The following PPP4R1 variants were observed in gnomAD, a reference collection of about 807,000 sequenced individuals.
PPP4R1 encodes the protein serine/threonine-protein phosphatase 4 regulatory subunit 1.
Under a neutral mutation model 111.2 loss-of-function variants are expected in PPP4R1, and 42 were observed. That is an observed-to-expected ratio of 0.38 (90% confidence interval 0.29 to 0.49). The LOEUF is 0.49. PPP4R1 is among the 20% of genes least tolerant of loss of function. The pLI is 0.97. For synonymous variants in PPP4R1, 409 were observed against 405.5 expected (o/e 1.01, Z -0.10); for missense variants, 1,012 against 1,161.6 (o/e 0.87, Z 1.87).
chr18:9,616,833 G>A (rs916388280), upstream of PPP4R1, among the ~76,000 whole-genome samples: 2 of 152,194 alleles, frequency 1.3e-5, no homozygotes, highest in African/African-American at 4.8e-5. Flanking sequence ...GGGAAGGGCA[G>A]CAAAGGAGGA....
intron 2 of PPP4R1, chr18:9,613,810 G>A (rs2067628771): frequency 6.5e-6 from 1 of 153,764 alleles, no homozygotes; most frequent in Admixed American, 6.5e-5. Flanking sequence ...GCGACTCTAA[G>A]GAAACACACC....
chr18:9,565,935 G>T (rs1164284284), intron 11 of PPP4R1, among the ~76,000 whole-genome samples: 1 of 151,672 alleles, frequency 6.6e-6, no homozygotes, highest in Non-Finnish European at 1.5e-5. Context: ...TTTTGAGATG[G>T]AGTCTTGCTC....
At chr18:9,574,657 C>T (rs1598918130) in intron 10 of PPP4R1, among the ~76,000 whole-genome samples, 1 of 152,176 alleles carries the variant, frequency 6.6e-6, no homozygotes, top group East Asian at 1.9e-4. Context: ...AGCTGGACGC[C>T]ACACTGCATG....
In PPP4R1 at chr18:9,614,460, G is replaced by A. The variant is rs1194800228; in HGVS notation, c.7+18C>T. 1.9e-6 allele frequency: 2 copies of A among 1,031,202 alleles called. No homozygotes were observed. The highest frequency in any genetic ancestry group is 1.2e-4 in the Admixed American group (2 of 17,204). 63.9% of individuals were successfully genotyped at this position (1,031,202 alleles called of 1,614,324 possible). On this transcript the variant is annotated intron_variant, in intron 1 of 19. Coordinates refer to ENST00000400556, the MANE Select transcript of PPP4R1 (RefSeq NM_001042388.3). This position sits in a 1 kb window ranked among gnomAD's most constrained non-coding sequence, Gnocchi z 4.1. ...GCTCGAGGAGCCGCCGCCGCCCGGA[G>A]AACAGGGGGCCACGTACCCGCCATC...
rs780873046 is a variant in PPP4R1, at chr18:9,577,099, T to G, written c.1011A>C (p.Lys337Asn). The change falls in exon 10 of 20, where the codon AAA becomes AAC. Residue 337 changes from lysine to asparagine, a missense_variant. Lys to Asn is a moderately conservative substitution (Grantham distance 94, BLOSUM62 0). This residue lies in a region of PPP4R1 where 707 missense variants were observed against 742.1 expected (regional missense o/e 0.95). Coordinates refer to ENST00000400556, the MANE Select transcript of PPP4R1 (RefSeq NM_001042388.3). ...SSGQYFKEESKSSEEMSVENK... is the reference protein window; with the variant it reads ...SSGQYFKEESNSSEEMSVENK... ...TTTCTACTGACATCTCTTCTGAACT[T>G]TTGCTTTCTTCTTTAAAATACTGGC... 5.0e-6 allele frequency: 8 copies of G among 1,594,828 alleles called. No homozygotes were observed. In the South Asian group the frequency reaches 9.1e-5, roughly 18 times the overall value.
At chr18:9,577,586 G>A (rs748848013) in intron 9 of PPP4R1, among the ~76,000 whole-genome samples, 3 of 152,078 alleles carry the variant, frequency 2.0e-5, no homozygotes, top group Non-Finnish European at 4.4e-5. Flanking sequence ...AGAAGCGCGT[G>A]AACCCATGAG....
intron 15 of PPP4R1, among the ~76,000 whole-genome samples, chr18:9,556,788 T>C (rs2066593836): frequency 6.6e-6 from 1 of 152,182 alleles, no homozygotes; most frequent in African/African-American, 2.4e-5. Context: ...CTTGAATTGT[T>C]TGTCCCAACC....
intron 10 of PPP4R1, among the ~76,000 whole-genome samples, chr18:9,576,553 T>C (rs1214005709): frequency 3.9e-5 from 6 of 152,220 alleles, no homozygotes; most frequent in Non-Finnish European, 8.8e-5. Flanking sequence ...GCTAATATAC[T>C]GGCTTTCTCC....
At chr18:9,570,886 TTAAGTA>T (rs1249382398) in intron 10 of PPP4R1, among the ~76,000 whole-genome samples, 3 of 152,210 alleles carry the variant, frequency 2.0e-5, no homozygotes, top group East Asian at 1.9e-4. Flanking sequence ...TAAATACCTG[TTAAGTA>T]TAAGTCTAGA....
chr18:9,548,669 C>T (rs934407407), intron 19 of PPP4R1, among the ~76,000 whole-genome samples: 1 of 152,226 alleles, frequency 6.6e-6, no homozygotes, highest in African/African-American at 2.4e-5. Context: ...GTAATCCCAG[C>T]ACTTTGGGAG....
In PPP4R1 at chr18:9,577,166, A is replaced by G. The variant is rs1168152363; in HGVS notation, c.944T>C (p.Leu315Pro). 1.2e-6 allele frequency: 2 copies of G among 1,607,428 alleles called. No homozygotes were observed. The highest frequency in any genetic ancestry group is 1.7e-6 in the Non-Finnish European group (2 of 1,177,986). ...RWVRQAAFQS[L>P]GPFISTFANP... ...AGCAAAAGTAGATATGAAAGGTCCC[A>G]GAGACTGAAAAGCTGCTTGGCGAAC... Residue 315 changes from leucine to proline, a missense_variant, in exon 10 of 20, where the codon CTG (leucine) becomes CCG (proline). Coordinates refer to ENST00000400556, the MANE Select transcript of PPP4R1 (RefSeq NM_001042388.3).
intron 9 of PPP4R1, among the ~76,000 whole-genome samples, chr18:9,578,906 T>A (rs2066981686): frequency 6.6e-6 from 1 of 152,224 alleles, no homozygotes; most frequent in Admixed American, 6.5e-5. Flanking sequence ...GTTAAATCTC[T>A]GAGCTTGTTC....
At chr18:9,552,184 C>T (rs952861193) in intron 16 of PPP4R1, among the ~76,000 whole-genome samples, 2 of 152,172 alleles carry the variant, frequency 1.3e-5, no homozygotes, top group African/African-American at 4.8e-5. Context: ...ATAAAGAACT[C>T]TTACAACTCA....
chr18:9,598,008 T>C (rs910769905), intron 2 of PPP4R1, among the ~76,000 whole-genome samples: 2 of 152,064 alleles, frequency 1.3e-5, no homozygotes, highest in African/African-American at 4.8e-5. Context: ...AAGACCTAAA[T>C]TGATCTTTTA....
intron 11 of PPP4R1, among the ~76,000 whole-genome samples, chr18:9,564,727 TGTGTGTGTGTGGGG>T (rs767374453): frequency 3.2e-4 from 17 of 52,518 alleles, no homozygotes; most frequent in South Asian, 5.2e-4. Context: ...TGTGTGTGTG[TGTGTGTGTGTGGGG>T]GTATCATCCC....
chr18:9,561,246 T>C (rs1295834129), intron 13 of PPP4R1, among the ~76,000 whole-genome samples: 1 of 148,222 alleles, frequency 6.7e-6, no homozygotes, highest in East Asian at 2.0e-4. Context: ...ATAATAATAA[T>C]AATAATAATA....
upstream of PPP4R1, among the ~76,000 whole-genome samples, chr18:9,616,330 G>T (rs1241416003): frequency 6.6e-6 from 1 of 151,712 alleles, no homozygotes; most frequent in Admixed American, 6.6e-5. Flanking sequence ...GAGTGCAGTG[G>T]CACAATCATG....
chr18:9,550,454 A>G, intron 16 of PPP4R1, 56 bp from the exon 17 acceptor site: 1 of 1,518,546 alleles, frequency 6.6e-7, no homozygotes, highest in Non-Finnish European at 9.0e-7. Flanking sequence ...ACAAATGAAA[A>G]TAGGTTACCC....
At chr18:9,602,306 C>T (rs1207409599) in intron 2 of PPP4R1, among the ~76,000 whole-genome samples, 5 of 133,904 alleles carry the variant, frequency 3.7e-5, no homozygotes, top group Admixed American at 2.5e-4. Flanking sequence ...CCAAGGCAGG[C>T]GGATCATGAG....
Sources: gnomAD v4.1 joint callset for allele counts (sites outside exome capture counted in the v4.1 genomes callset) on GRCh38, gnomAD v4.1.1 for gene constraint, gnomAD v4.1.1 regional missense constraint, Gnocchi (gnomAD v3.1) non-coding constraint, MANE v1.5 for transcripts, NCBI Gene and HGNC (gene_info 2026-07-23, HGNC 2026-07-21) for gene names.